Variants in ASIC2 observed in about 807,000 individuals in gnomAD.
ASIC2 encodes acid-sensing ion channel 2.
In ASIC2, 25 loss-of-function variants were observed where a neutral mutation model predicts 57.3. The ratio of observed to expected loss-of-function variants is 0.44; its 90% CI spans 0.32 to 0.61. The LOEUF (loss-of-function observed/expected upper bound fraction) is 0.61, where lower values mean the gene tolerates loss of function less well. Ranked by LOEUF, ASIC2 falls within the 20% of genes least tolerant of loss-of-function variation. The pLI is 0.06. For missense variants in ASIC2, 641 were observed against 738.1 expected (o/e 0.87, Z 1.52); for synonymous variants, 319 against 307.5 (o/e 1.04, Z -0.39).
chr17:33,861,977 C>T (rs1379921740), intron 1 of ASIC2, among the ~76,000 whole-genome samples: 2 of 152,226 alleles, frequency 1.3e-5, no homozygotes, highest in Admixed American at 6.5e-5. Context: ...TCTGGTCCCT[C>T]CTGCATCAAG....
intron 1 of ASIC2, among the ~76,000 whole-genome samples, chr17:33,774,938 A>G (rs759217214): frequency 4.6e-5 from 7 of 152,204 alleles, no homozygotes; most frequent in Admixed American, 6.5e-5. Flanking sequence ...GGGATCCTTA[A>G]CAGGTATTTG....
At chr17:33,347,587 G>C (rs942763440) in intron 1 of ASIC2, among the ~76,000 whole-genome samples, 15 of 152,172 alleles carry the variant, frequency 9.9e-5, no homozygotes, top group African/African-American at 3.6e-4. Context: ...AAGATTCTAA[G>C]AAGGGTCCTG....
At chr17:33,840,521 G>A (rs12938750) in intron 1 of ASIC2, among the ~76,000 whole-genome samples, 3,263 of 152,256 alleles carry the variant, frequency 0.021, 128 homozygotes, top group African/African-American at 0.075. Context: ...AGATGTTCCC[G>A]CTCTCCATGG....
At chr17:33,715,757 G>A (rs1308638729) in intron 1 of ASIC2, among the ~76,000 whole-genome samples, 3 of 152,024 alleles carry the variant, frequency 2.0e-5, no homozygotes, top group Non-Finnish European at 4.4e-5. Context: ...CAGTTCTAGG[G>A]GATAACATCT....
Position 33,122,719 on chromosome 17 carries a change from C to T in ASIC2, c.709-10652G>A, listed in dbSNP as rs146749288. ...TTTTAGCAAGTTTGAAATATACACTCTTATTAACTATAGTCACCATGCTGT... is the reference window on the plus strand; with the variant it reads ...TTTTAGCAAGTTTGAAATATACACTTTTATTAACTATAGTCACCATGCTGT... On this transcript the variant is annotated intron_variant, in intron 1 of 9. Transcript: ENST00000225823. 7.8e-4 allele frequency among the ~76,000 whole-genome samples: 118 copies of T among 152,248 alleles called. 1 individual carries two copies. Among genetic ancestry groups the T allele is most frequent in the African/African-American group, 2.8e-3 (115 of 41,538 alleles).
chr17:34,047,507 AG>A (rs59784635), intron 1 of ASIC2, among the ~76,000 whole-genome samples: 35,562 of 64,566 alleles, frequency 0.55, 8,488 homozygotes, highest in South Asian at 0.67. Context: ...ACCTTTCTCC[AG>A]AAAAAAAAAA....
intron 1 of ASIC2, among the ~76,000 whole-genome samples, chr17:33,167,240 G>T (rs1225127040): frequency 1.3e-5 from 2 of 151,836 alleles, no homozygotes; most frequent in East Asian, 1.9e-4. Flanking sequence ...CCTCCTACTT[G>T]CCACTTCTCT....
intron 1 of ASIC2, among the ~76,000 whole-genome samples, chr17:33,186,648 A>T (rs902865493): frequency 1.3e-5 from 2 of 152,142 alleles, no homozygotes; most frequent in Admixed American, 6.6e-5. Flanking sequence ...GTGGTTCAAG[A>T]AGTTTTGCAA....
In ASIC2 at chr17:33,544,276, C is replaced by T. The variant is rs917174694; in HGVS notation, c.556-432209G>A. Among the ~76,000 whole-genome samples, 8 of 152,168 alleles carry T rather than the reference C, an allele frequency of 5.3e-5. No homozygotes were observed. In the South Asian group the frequency reaches 6.2e-4, roughly 12 times the overall value. On this transcript the variant is annotated intron_variant, in intron 1 of 9. Transcript: ENST00000359872. Reference sequence around the variant, plus strand: ...TGAATAAGGTATACCCCACTTTGTTCGTCCACGCACCAGCTGATGGACATT... The same window carrying T: ...TGAATAAGGTATACCCCACTTTGTTTGTCCACGCACCAGCTGATGGACATT...
chr17:33,651,057 T>C (rs1243329743), intron 1 of ASIC2, among the ~76,000 whole-genome samples: 2 of 152,160 alleles, frequency 1.3e-5, no homozygotes, highest in East Asian at 3.9e-4. Flanking sequence ...TCTAAAAGTA[T>C]TTTAAGATAG....
chr17:33,477,620 C>A (rs1302452165), intron 1 of ASIC2, among the ~76,000 whole-genome samples: 1 of 152,174 alleles, frequency 6.6e-6, no homozygotes, highest in Non-Finnish European at 1.5e-5. Flanking sequence ...TTCACTAGAT[C>A]CTTACCATGT....
At position 33,558,080 on chromosome 17, in the gene ASIC2, G is replaced by T. The variant is rs139284968; in HGVS notation, c.556-446013C>A. ...CTTCTTGGTATCTATTTCTATTAAA[G>T]ATTTTTTTCTTGCGTATGTGTAGGG... On this transcript the variant is annotated intron_variant, in intron 1 of 9. Transcript: ENST00000359872. Among the ~76,000 whole-genome samples the T allele has an allele frequency of 5.1e-3, 772 of 152,062 alleles. 3 individuals carry two copies. The highest frequency in any genetic ancestry group is 8.4e-3 in the Non-Finnish European group (571 of 67,978).
At chr17:33,196,479 G>A (rs1341017364) in intron 1 of ASIC2, among the ~76,000 whole-genome samples, 1 of 152,140 alleles carries the variant, frequency 6.6e-6, no homozygotes, top group Non-Finnish European at 1.5e-5. Context: ...CCTCCCAAAA[G>A]TCCAGACAGG....
At chr17:33,733,732 C>T (rs774492163) in intron 1 of ASIC2, among the ~76,000 whole-genome samples, 26 of 152,172 alleles carry the variant, frequency 1.7e-4, no homozygotes, top group Non-Finnish European at 3.4e-4. Context: ...CATCATGGCC[C>T]TTCTCATCCT....
chr17:33,503,109 A>G (rs1914148897), intron 1 of ASIC2, among the ~76,000 whole-genome samples: 1 of 152,162 alleles, frequency 6.6e-6, no homozygotes, highest in Non-Finnish European at 1.5e-5. Flanking sequence ...GTAATTGGAA[A>G]CGTCAAGGAA....
At chr17:33,968,882 C>T (rs1905145879) in intron 1 of ASIC2, among the ~76,000 whole-genome samples, 1 of 152,236 alleles carries the variant, frequency 6.6e-6, no homozygotes, top group Non-Finnish European at 1.5e-5. Context: ...TGCCAACTTC[C>T]CCAAGGGGAC....
chr17:34,151,533 G>C (rs1224022164), intron 1 of ASIC2, among the ~76,000 whole-genome samples: 4 of 152,202 alleles, frequency 2.6e-5, no homozygotes. Flanking sequence ...GCTTCCTAGA[G>C]TTGAGTTTGG....
intron 1 of ASIC2, among the ~76,000 whole-genome samples, chr17:33,859,590 G>A (rs546559243): frequency 6.6e-6 from 1 of 152,360 alleles, no homozygotes; most frequent in East Asian, 1.9e-4. Context: ...TGAAGGCAGA[G>A]TGAGTGGAGA....
chr17:33,620,950 CCTT>C (rs1489723897), intron 1 of ASIC2, among the ~76,000 whole-genome samples: 1 of 152,090 alleles, frequency 6.6e-6, no homozygotes, highest in East Asian at 1.9e-4. Context: ...CGCTGGCCGT[CCTT>C]CTTTTCTTGC....
Sources: gnomAD v4.1 joint callset for allele counts (sites outside exome capture counted in the v4.1 genomes callset) on GRCh38, gnomAD v4.1.1 for gene constraint, MANE v1.5 for transcripts, NCBI Gene and HGNC (gene_info 2026-07-23, HGNC 2026-07-21) for gene names.